The following APC variants were observed in gnomAD, a reference collection of about 807,000 sequenced individuals.
APC encodes adenomatous polyposis coli protein.
Under a neutral mutation model 247.0 loss-of-function variants are expected in APC, and 72 were observed. The ratio of observed to expected loss-of-function variants is 0.29; its 90% CI spans 0.24 to 0.35. APC has a LOEUF of 0.35. Among genes scored for constraint, APC ranks in the 10% least tolerant of loss-of-function variants. APC has a pLI of 1.00. For missense variants in APC, 3,400 were observed against 3,360.7 expected, an observed-to-expected ratio of 1.01 and a Z score of -0.29; for synonymous variants, 1,254 against 1,162.5, an observed-to-expected ratio of 1.08 and a Z score of -1.60.
chr5:112,713,900 C>T (rs1044243780), intron 1 of APC, among the ~76,000 whole-genome samples: 12 of 152,176 alleles, frequency 7.9e-5, no homozygotes, highest in African/African-American at 2.7e-4. Context: ...TCAAGTGATC[C>T]GCCCACCTTG....
At chr5:112,772,820 A>C (rs934501108) in intron 4 of APC, among the ~76,000 whole-genome samples, 3 of 152,192 alleles carry the variant, frequency 2.0e-5, no homozygotes, top group African/African-American at 7.2e-5. Flanking sequence ...CCTGGCCCCA[A>C]CTCTTATTTC....
Position 112,844,794 on chromosome 5 carries a change from A to T in APC, c.*668A>T, listed in dbSNP as rs1395188440. 4.3e-6 allele frequency: 1 copy of T among 232,056 alleles called. No homozygotes were observed. The highest frequency in any genetic ancestry group is 8.5e-6 in the Non-Finnish European group (1 of 117,192). The allele number at this position is 232,056 out of a possible 1,614,324, so 14.4% of individuals were successfully genotyped here. ...ACAAAAATCTGTGTAACTGTAAAAC[A>T]TTGAATGAAACTATTTTACCTGAAC... On this transcript the variant is annotated 3_prime_UTR_variant, in exon 16 of 16. Transcript: ENST00000257430.
intron 3 of APC, among the ~76,000 whole-genome samples, chr5:112,766,739 A>G (rs1475018472): frequency 6.6e-6 from 1 of 152,184 alleles, no homozygotes; most frequent in South Asian, 2.1e-4. Flanking sequence ...ACTTGAGCCT[A>G]CTGTTTCATT....
chr5:112,805,951 G>A (rs1561522137), intron 8 of APC, among the ~76,000 whole-genome samples: 1 of 152,104 alleles, frequency 6.6e-6, no homozygotes, highest in Non-Finnish European at 1.5e-5. Context: ...TGTGACCCAG[G>A]TAACCTGGCC....
rs2149641312 is a variant in APC at position 112,780,909 on chromosome 5, T to G, written c.645+6T>G. 1 of 1,576,030 alleles carries G rather than the reference T, an allele frequency of 6.3e-7. No individual in the cohort carries two copies. Among genetic ancestry groups the G allele is most frequent in the Non-Finnish European group, 8.7e-7 (1 of 1,147,144 alleles). ...ATATGGAAAAACGAGCACAGGTAAGTTACTTGTTTCTAAGTGATAAAACAG... is the reference window on the plus strand; with the variant it reads ...ATATGGAAAAACGAGCACAGGTAAGGTACTTGTTTCTAAGTGATAAAACAG... On this transcript the variant is annotated splice_donor_region_variant and intron_variant, in intron 6 of 15. Coordinates refer to ENST00000257430, the MANE Select transcript of APC (RefSeq NM_000038.6).
chr5:112,726,041 C>A (rs1354178416), intron 1 of APC, among the ~76,000 whole-genome samples: 3 of 152,136 alleles, frequency 2.0e-5, no homozygotes, highest in African/African-American at 7.2e-5. Flanking sequence ...TGCTCAAACC[C>A]CTTATGGGAG....
intron 7 of APC, among the ~76,000 whole-genome samples, chr5:112,797,131 A>G (rs997843082): frequency 3.3e-5 from 5 of 152,182 alleles, no homozygotes; most frequent in African/African-American, 1.2e-4. Flanking sequence ...ACTGTCTGCT[A>G]CTATGATCCA....
At chr5:112,774,809 C>T (rs148325745) in intron 4 of APC, among the ~76,000 whole-genome samples, 198 of 152,116 alleles carry the variant, frequency 1.3e-3, no homozygotes, top group African/African-American at 4.5e-3. Context: ...AAAAAAGTTG[C>T]AGGACAACAT....
At chr5:112,776,562 T>C (rs1196261100) in intron 5 of APC, among the ~76,000 whole-genome samples, 5 of 152,138 alleles carry the variant, frequency 3.3e-5, no homozygotes, top group Non-Finnish European at 5.9e-5. Flanking sequence ...TGACTCAACA[T>C]GGTGGAGGCT....
chr5:112,724,191 TCATC>T (rs1751640584), intron 1 of APC, among the ~76,000 whole-genome samples: 1 of 152,188 alleles, frequency 6.6e-6, no homozygotes, highest in Admixed American at 6.5e-5. Context: ...TACATACTCT[TCATC>T]CACTCAACAA....
intron 1 of APC, among the ~76,000 whole-genome samples, chr5:112,723,606 A>C (rs905924471): frequency 6.6e-6 from 1 of 152,182 alleles, no homozygotes; most frequent in South Asian, 2.1e-4. Flanking sequence ...AAATTTAAAC[A>C]TCTGTCATGG....
intron 2 of APC, among the ~76,000 whole-genome samples, chr5:112,758,989 G>T (rs146936921): frequency 6.6e-6 from 1 of 152,254 alleles, no homozygotes; most frequent in African/African-American, 2.4e-5. Context: ...CTGAAAGATG[G>T]CATGGTGTAG....
chr5:112,805,961 C>G (rs998725815), intron 8 of APC, among the ~76,000 whole-genome samples: 8 of 152,164 alleles, frequency 5.3e-5, no homozygotes, highest in African/African-American at 1.9e-4. Context: ...GTAACCTGGC[C>G]CCTACCTATC....
chr5:112,786,538 C>G (rs1275479784), intron 6 of APC, among the ~76,000 whole-genome samples: 2 of 152,128 alleles, frequency 1.3e-5, no homozygotes, highest in Non-Finnish European at 2.9e-5. Context: ...GTTAATAGAG[C>G]TTACTACTGG....
At chr5:112,764,688 C>T (rs1444866403) in intron 2 of APC, among the ~76,000 whole-genome samples, 1 of 152,174 alleles carries the variant, frequency 6.6e-6, no homozygotes, top group Non-Finnish European at 1.5e-5. Context: ...TGGAAATTAA[C>T]TGCTCAAGGG....
intron 4 of APC, among the ~76,000 whole-genome samples, chr5:112,769,948 A>T (rs930225780): frequency 6.6e-6 from 1 of 152,154 alleles, no homozygotes. Context: ...ATCTTGAAAA[A>T]TAAGGAGTGA....
chr5:112,794,196 G>A (rs1318475694), intron 7 of APC, among the ~76,000 whole-genome samples: 1 of 151,992 alleles, frequency 6.6e-6, no homozygotes, highest in East Asian at 1.9e-4. Flanking sequence ...GGGTTCAAGT[G>A]ATCTTCCCAC....
chr5:112,786,376 AC>A (rs1758952087), intron 6 of APC, among the ~76,000 whole-genome samples: 1 of 152,166 alleles, frequency 6.6e-6, no homozygotes, highest in South Asian at 2.1e-4. Context: ...ACTTGTGCCT[AC>A]CTATGTGAGA....
Position 112,751,681 on chromosome 5 carries a change from TATA to T in APC, c.-18-3185_-18-3183del, listed in dbSNP as rs970804754. ...ATACTGTATTGCCAAATTATATTAT[TATA>T]ATAATATTTCATCGATGCTTTTGTA... On this transcript the variant is annotated intron_variant, in intron 1 of 15. Coordinates refer to ENST00000257430, the MANE Select transcript of APC (RefSeq NM_000038.6). Among the ~76,000 whole-genome samples, 772 of 152,110 alleles carry T rather than the reference TATA, an allele frequency of 5.1e-3. 9 individuals carry two copies. Among genetic ancestry groups the T allele is most frequent in the African/African-American group, 0.018 (739 of 41,562 alleles).
Sources: allele counts gnomAD v4.1 joint callset (sites outside exome capture counted in the v4.1 genomes callset), GRCh38; gene constraint gnomAD v4.1.1; transcripts MANE v1.5; gene names NCBI Gene and HGNC (gene_info 2026-07-23, HGNC 2026-07-21).